Variants in CDH18 observed in about 807,000 individuals in gnomAD.
CDH18 encodes cadherin 18, also known as cadherin-18.
In CDH18, 31 loss-of-function variants were observed where a neutral mutation model predicts 67.9. The ratio of observed to expected loss-of-function variants is 0.46; its 90% CI spans 0.34 to 0.62. The LOEUF is 0.62. Ranked by LOEUF, CDH18 falls within the 20% of genes least tolerant of loss-of-function variation. The pLI is 0.01. For missense variants in CDH18, 890 were observed against 975.5 expected, an observed-to-expected ratio of 0.91 and a Z score of 1.17; for synonymous variants, 362 against 347.2, an observed-to-expected ratio of 1.04 and a Z score of -0.48.
chr5:20,182,325 G>A (rs1017491801), intron 2 of CDH18, among the ~76,000 whole-genome samples: 7 of 151,916 alleles, frequency 4.6e-5, no homozygotes, highest in Admixed American at 2.6e-4. Flanking sequence ...ATCCTCAGCC[G>A]CGTGCAATGG....
In CDH18 at chr5:20,486,698, T is replaced by TATATAC. The variant is rs1241021314; in HGVS notation, c.-580+88763_-580+88764insGTATAT. On this transcript the variant is annotated intron_variant, in intron 1 of 14. Coordinates refer to the CDH18 transcript ENST00000507958. ...CTATTTTTGTATATATATATATATATACATATATGTGTGTGTGTGTATGTG... is the reference window on the plus strand; with the variant it reads ...CTATTTTTGTATATATATATATATATATATACACATATATGTGTGTGTGTGTATGTG... Among the ~76,000 whole-genome samples the TATATAC allele has an allele frequency of 5.4e-3, 809 of 150,532 alleles. 7 individuals carry two copies. The highest frequency in any genetic ancestry group is 0.019 in the African/African-American group (772 of 41,072).
At chr5:20,179,255 A>C (rs561072201) in intron 2 of CDH18, among the ~76,000 whole-genome samples, 1 of 152,282 alleles carries the variant, frequency 6.6e-6, no homozygotes, top group East Asian at 1.9e-4. Context: ...TAATTTTGCA[A>C]GAAAAATTTT....
chr5:19,484,936 C>A (rs1243556616), intron 11 of CDH18, among the ~76,000 whole-genome samples: 1 of 152,142 alleles, frequency 6.6e-6, no homozygotes, highest in African/African-American at 2.4e-5. Context: ...TAGACAATTA[C>A]AATTAGGGCC....
intron 11 of CDH18, among the ~76,000 whole-genome samples, chr5:19,496,031 T>C (rs995105454): frequency 6.6e-6 from 1 of 152,120 alleles, no homozygotes; most frequent in Non-Finnish European, 1.5e-5. Context: ...AAAATTTAGA[T>C]TGAAAGTTAA....
intron 9 of CDH18, 21 bp downstream of exon 9, chr5:19,543,848 G>A (rs771183302): frequency 6.2e-5 from 96 of 1,539,250 alleles, no homozygotes; most frequent in Non-Finnish European, 8.1e-5. Flanking sequence ...ATCTTTTACT[G>A]TGATACATAA....
At chr5:20,501,603 T>TATATTATATATA (rs1754326688) in intron 1 of CDH18, among the ~76,000 whole-genome samples, 5 of 88,636 alleles carry the variant, frequency 5.6e-5, no homozygotes, top group African/African-American at 2.3e-4. Context: ...ATTATATATA[T>TATATTATATATA]ATATATATAT....
chr5:19,649,156 C>T (rs1755214393), intron 5 of CDH18, among the ~76,000 whole-genome samples: 1 of 152,102 alleles, frequency 6.6e-6, no homozygotes, highest in African/African-American at 2.4e-5. Context: ...CAGCTTCTCA[C>T]AAATCTTGAG....
At chr5:19,916,655 T>C (rs1448585975) in intron 2 of CDH18, among the ~76,000 whole-genome samples, 2 of 152,222 alleles carry the variant, frequency 1.3e-5, no homozygotes, top group Non-Finnish European at 2.9e-5. Flanking sequence ...CAATAATGCC[T>C]GAAATTTAGT....
chr5:20,471,932 G>GCT, intron 1 of CDH18, among the ~76,000 whole-genome samples: 2 of 346 alleles, frequency 5.8e-3, no homozygotes, highest in Non-Finnish European at 7.5e-3. Flanking sequence ...TCATATCTCA[G>GCT]GCAATACTCC....
intron 2 of CDH18, among the ~76,000 whole-genome samples, chr5:20,048,415 A>G (rs922086696): frequency 6.6e-6 from 1 of 151,786 alleles, no homozygotes; most frequent in Non-Finnish European, 1.5e-5. Flanking sequence ...ATGGAATAAT[A>G]ATATTCATTA....
chr5:20,260,457 T>G (rs1744564776), intron 1 of CDH18, among the ~76,000 whole-genome samples: 1 of 152,046 alleles, frequency 6.6e-6, no homozygotes. Flanking sequence ...TAAGTTATAC[T>G]GACTTGATGA....
At chr5:19,626,179 C>T (rs944117650) in intron 5 of CDH18, among the ~76,000 whole-genome samples, 3 of 152,082 alleles carry the variant, frequency 2.0e-5, no homozygotes, top group African/African-American at 7.2e-5. Flanking sequence ...CAAGCGACAA[C>T]ACTAAAGCAA....
chr5:20,416,444 T>C (rs1228269602), intron 1 of CDH18, among the ~76,000 whole-genome samples: 1 of 152,116 alleles, frequency 6.6e-6, no homozygotes, highest in Non-Finnish European at 1.5e-5. Flanking sequence ...ATAATAAGAA[T>C]GTGCTTACAG....
intron 2 of CDH18, among the ~76,000 whole-genome samples, chr5:20,098,934 A>T (rs539638826): frequency 6.6e-6 from 1 of 152,152 alleles, no homozygotes; most frequent in African/African-American, 2.4e-5. Context: ...AATTCCATCA[A>T]CATATTCAGT....
At chr5:19,578,187 G>A (rs1175939546) in intron 7 of CDH18, among the ~76,000 whole-genome samples, 2 of 152,188 alleles carry the variant, frequency 1.3e-5, no homozygotes, top group East Asian at 3.9e-4. Context: ...GCATTCCTAG[G>A]AAACGAATGT....
chr5:19,722,772 A>G (rs1766277415), intron 4 of CDH18, among the ~76,000 whole-genome samples: 1 of 152,010 alleles, frequency 6.6e-6, no homozygotes, highest in Non-Finnish European at 1.5e-5. Context: ...CTACCTACTA[A>G]TTTGGGTTAT....
intron 1 of CDH18, among the ~76,000 whole-genome samples, chr5:20,494,940 A>C (rs558588381): frequency 8.5e-5 from 13 of 152,324 alleles, no homozygotes; most frequent in Admixed American, 6.5e-4. Context: ...TGAGGGAAGC[A>C]GAGAGAGACA....
At chr5:20,502,666 T>C (rs991930211) in intron 1 of CDH18, among the ~76,000 whole-genome samples, 1 of 152,180 alleles carries the variant, frequency 6.6e-6, no homozygotes, top group Non-Finnish European at 1.5e-5. Flanking sequence ...AAGAGATAAA[T>C]ATGATCATGA....
chr5:19,882,020 TG>T (rs1787715794), intron 2 of CDH18, among the ~76,000 whole-genome samples: 1 of 152,194 alleles, frequency 6.6e-6, no homozygotes, highest in Admixed American at 6.5e-5. Flanking sequence ...ACTTAGATGA[TG>T]TCACATACAA....
Sources: allele counts gnomAD v4.1 joint callset (sites outside exome capture counted in the v4.1 genomes callset), GRCh38; gene constraint gnomAD v4.1.1; transcripts MANE v1.5; gene names NCBI Gene and HGNC (gene_info 2026-07-23, HGNC 2026-07-21).